The following BCOR variants were observed in gnomAD, a reference collection of about 807,000 sequenced individuals.
BCOR encodes BCL-6 corepressor.
In BCOR, 10 loss-of-function variants were observed where a neutral mutation model predicts 86.7. That is an observed-to-expected ratio of 0.12 (90% CI 0.07 to 0.20). The LOEUF is 0.20. Ranked by LOEUF, BCOR falls within the 10% of genes least tolerant of loss-of-function variation. The pLI is 1.00. For synonymous variants in BCOR, 611 were observed against 609.0 expected (o/e 1.00, Z -0.05); for missense variants, 1,259 against 1,452.1 (o/e 0.87, Z 2.16).
In BCOR at chrX:40,072,568, C is replaced by G. The variant is rs757056475; in HGVS notation, c.2778G>C (p.Val926=). ...CATCCACACTTGGTGGGGCACTGCC[C>G]ACACAAAATGGTTTGGGATCCTCTT... ...KTQEDPKPFC[V]GSAPPSVDVT... Residue 926 remains valine, a synonymous_variant, in exon 4 of 15, where the codon GTG becomes GTC. Coordinates refer to ENST00000378444, the MANE Select transcript of BCOR (RefSeq NM_001123385.2). The G allele has an allele frequency of 8.3e-7, 1 of 1,211,924 alleles. No homozygotes were observed. The highest frequency in any genetic ancestry group is 1.7e-5 in the African/African-American group (1 of 57,847).
intron 5 of BCOR, 141 bp from the exon 6 acceptor site, chrX:40,071,300 T>C: frequency 1.7e-6 from 1 of 600,457 alleles, no homozygotes; most frequent in African/African-American, 2.3e-5. Flanking sequence ...AACTCAGATA[T>C]TTTAAAGTTT....
Position 40,062,906 on chromosome X carries a change from T to C in BCOR, c.4013A>G (p.Glu1338Gly), listed in dbSNP as rs770784599. 1.2e-5 allele frequency: 15 copies of C among 1,209,361 alleles called. No homozygotes were observed. Among genetic ancestry groups the C allele is most frequent in the Middle Eastern group, 4.6e-4 (2 of 4,373 alleles). Reference protein sequence around the residue: ...QKTDVLCADEEEDCQAASLLQ... With the variant: ...QKTDVLCADEGEDCQAASLLQ... Reference sequence around the variant, plus strand: ...CAGGGAGGCAGCCTGGCAATCCTCTTCTTCGTCTGCACACAGCACATCTGT... The same window carrying C: ...CAGGGAGGCAGCCTGGCAATCCTCTCCTTCGTCTGCACACAGCACATCTGT... Residue 1338 changes from glutamate to glycine, a missense_variant, in exon 9 of 15, where the codon GAA (glutamate) becomes GGA (glycine). Glu to Gly is a moderately conservative substitution (Grantham distance 98). Around this residue, in one of 7 missense-constraint regions of BCOR, gnomAD observed 305 missense variants for 286.1 expected, o/e 1.07. Transcript: ENST00000378444.
chrX:40,063,400 C>G (rs1427205764), intron 8 of BCOR, among the ~76,000 whole-genome samples: 3 of 112,054 alleles, frequency 2.7e-5, no homozygotes, highest in African/African-American at 9.7e-5. Flanking sequence ...AGACTGGAGA[C>G]AGCCTGAGGC....
rs1447074491 is a variant in BCOR, at chrX:40,062,350, T to C, written c.4217A>G (p.Asp1406Gly). 1 of 1,206,877 alleles carries C rather than the reference T, an allele frequency of 8.3e-7. No individual in the cohort carries two copies. Among genetic ancestry groups the C allele is most frequent in the East Asian group, 3.0e-5 (1 of 33,660 alleles). ...RFRKRPEPSSDYDLSPAKQEP... is the reference protein window; with the variant it reads ...RFRKRPEPSSGYDLSPAKQEP... ...CTGCTTGGCTGGTGACAGATCATAG[T>C]CCGAACTGGGCTCCGGCCGCTTTCT... is the stretch of plus-strand genomic sequence containing the variant. The change falls in exon 10 of 15, where the codon GAC (aspartate) becomes GGC (glycine). Residue 1406 changes from aspartate to glycine, a missense_variant. By Grantham distance (94) the Asp-to-Gly change is moderately conservative. Transcript: ENST00000378444.
intron 6 of BCOR, among the ~76,000 whole-genome samples, chrX:40,068,734 T>C (rs1054206219): frequency 1.8e-5 from 2 of 113,328 alleles, no homozygotes; most frequent in Non-Finnish European, 3.7e-5. Flanking sequence ...CCTTAGGAGT[T>C]TGGGGACACT....
At chrX:40,176,030 T>C (rs921666132) in intron 1 of BCOR, among the ~76,000 whole-genome samples, 1 of 112,343 alleles carries the variant, frequency 8.9e-6, no homozygotes, top group African/African-American at 3.2e-5. Flanking sequence ...AAGACAGGCG[T>C]CTTCAAGGGT....
At chrX:40,078,824 ACCCC>A (rs1184405455) in intron 1 of BCOR, among the ~76,000 whole-genome samples, 1 of 65,608 alleles carries the variant, frequency 1.5e-5, no homozygotes, top group African/African-American at 5.9e-5. Flanking sequence ...ACCACCACCC[ACCCC>A]CCTTTACCTC....
chrX:40,073,775 C>G lies in BCOR; in HGVS notation c.1571G>C (p.Ser524Thr). ...CAATGCCTTGTTTTTCAGCGACATG[C>G]TTTTGCCATTGTTCTCTTCGTTAGG... ...PSPNEENNGK[S>T]MSLKNKALDW... The change falls in exon 4 of 15, where the codon AGC becomes ACC. Residue 524 changes from serine to threonine, a missense_variant. This residue lies in a region of BCOR where 534 missense variants were observed against 594.8 expected (regional missense o/e 0.90). Coordinates refer to ENST00000378444, the MANE Select transcript of BCOR (RefSeq NM_001123385.2). The G allele has an allele frequency of 8.2e-7, 1 of 1,212,722 alleles. No individual in the cohort carries two copies. The highest frequency in any genetic ancestry group is 1.1e-6 in the Non-Finnish European group (1 of 895,730).
intron 1 of BCOR, among the ~76,000 whole-genome samples, chrX:40,169,237 T>C (rs1410937929): frequency 3.6e-5 from 4 of 112,330 alleles, no homozygotes; most frequent in Non-Finnish European, 7.5e-5. Flanking sequence ...CTCAAGTCGG[T>C]CCTTCAACCT....
chrX:40,070,223 G>T (rs1602142505), intron 6 of BCOR, among the ~76,000 whole-genome samples: 2 of 111,890 alleles, frequency 1.8e-5, no homozygotes, highest in East Asian at 5.6e-4. Flanking sequence ...TTCGCCCAGT[G>T]AGGTTTCTCA....
In BCOR at chrX:40,063,825, G is replaced by C. The variant is rs746986224; in HGVS notation, c.3630C>G (p.His1210Gln). The C allele has an allele frequency of 1.7e-6, 2 of 1,212,068 alleles. No individual in the cohort carries two copies. Residue 1210 changes from histidine (H) to glutamine (Q), a missense_variant, in exon 8 of 15, where the codon CAC (histidine) becomes CAG (glutamine). Coordinates refer to ENST00000378444, the MANE Select transcript of BCOR (RefSeq NM_001123385.2). ...LTGLHPKKQRHLLHLRERWEQ... is the reference protein window; with the variant it reads ...LTGLHPKKQRQLLHLRERWEQ... ...CCCATCGTTCTCTAAGGTGCAGCAA[G>C]TGGCGTTGTTTTTTAGGATGGAGCC...
In BCOR at chrX:40,064,129, C is replaced by T. The variant is rs754152043; in HGVS notation, c.3503-177G>A. ...GGCTTTGGGGGAGGGGAGGTGTGGG[C>T]GGCTCCCCCCGGGGGCTCCAGGGTG... On this transcript the variant is annotated intron_variant, in intron 7 of 14. Transcript: ENST00000378444. Among the ~76,000 whole-genome samples, 20 of 108,880 alleles carry T rather than the reference C, an allele frequency of 1.8e-4. 1 individual carries two copies. The South Asian group carries it at 6.8e-3, about 37-fold the overall frequency. The allele number at this position is 108,880 out of a possible 115,157, so 94.5% of individuals were successfully genotyped here. A position where few individuals can be genotyped will look rare whatever the true frequency, so the allele number is the denominator to read the frequency against.
Position 40,076,525 on chromosome X carries a change from G to A in BCOR, c.94C>T (p.Leu32Phe). Residue 32 changes from leucine (L) to phenylalanine (F), a missense_variant, in exon 3 of 15, where the codon CTT (leucine) becomes TTT (phenylalanine). Leu to Phe is a conservative substitution (Grantham distance 22, BLOSUM62 0). This residue lies in a region of BCOR where 174 missense variants were observed against 189.3 expected (regional missense o/e 0.92). Coordinates refer to ENST00000378444, the MANE Select transcript of BCOR (RefSeq NM_001123385.2). The part of the protein sequence containing the change: ...MCGASEDRKI[L>F]VNDGDASKAR... ...TTTGAAGCGTCACCATCATTTACAA[G>A]GATTTTCCTATTTAAAAAGATACAC... is the stretch of plus-strand genomic sequence containing the variant. 6 of 1,196,515 alleles carry A rather than the reference G, an allele frequency of 5.0e-6. No individual in the cohort carries two copies. The highest frequency in any genetic ancestry group is 6.8e-6 in the Non-Finnish European group (6 of 882,447).
intron 14 of BCOR, 42 bp from the exon 15 acceptor site, chrX:40,052,442 T>G (rs1350687417): frequency 8.5e-7 from 1 of 1,169,683 alleles, no homozygotes; most frequent in South Asian, 1.8e-5. Flanking sequence ...TCCAGTAAAA[T>G]GAAAAGTGCG....
chrX:40,067,697 A>G lies in BCOR; in HGVS notation c.3239-3098T>C, dbSNP rs184904489. Among the ~76,000 whole-genome samples, 132 of 111,305 alleles carry G rather than the reference A, an allele frequency of 1.2e-3. 1 individual carries two copies. Among genetic ancestry groups the G allele is most frequent in the African/African-American group, 3.9e-3 (119 of 30,600 alleles). ...TGAGCCTCTCAAGGCAAACATCCCA[A>G]TTCCCCTCAGTGAAGGCCCCCAAAC... is the stretch of plus-strand genomic sequence containing the variant. On this transcript the variant is annotated intron_variant, in intron 6 of 14. Transcript: ENST00000378444.
intron 6 of BCOR, among the ~76,000 whole-genome samples, chrX:40,069,800 C>T (rs1464628768): frequency 1.8e-5 from 2 of 112,363 alleles, no homozygotes; most frequent in Non-Finnish European, 3.8e-5. Flanking sequence ...TCCCACTGCC[C>T]TGTAGCCACT....
chrX:40,164,467 C>A (rs774843410), intron 1 of BCOR, among the ~76,000 whole-genome samples: 1 of 112,392 alleles, frequency 8.9e-6, no homozygotes, highest in Admixed American at 9.4e-5. Context: ...AACCCAAATC[C>A]CCCACCTTTG....
chrX:40,053,752 G>T, intron 14 of BCOR, 134 bp downstream of exon 14: 1 of 710,172 alleles, frequency 1.4e-6, no homozygotes, highest in Non-Finnish European at 2.2e-6. Context: ...AATATCTACT[G>T]CATTGTGTGA....
At chrX:40,170,538 G>C (rs1280055831) in intron 1 of BCOR, among the ~76,000 whole-genome samples, 1 of 110,684 alleles carries the variant, frequency 9.0e-6, no homozygotes, top group African/African-American at 3.3e-5. Context: ...TACTAGAGAC[G>C]GGGTTTCGCC....
Sources: allele counts gnomAD v4.1 joint callset (sites outside exome capture counted in the v4.1 genomes callset), GRCh38; gene constraint gnomAD v4.1.1; regional missense constraint gnomAD v4.1.1; transcripts MANE v1.5; gene names NCBI Gene and HGNC (gene_info 2026-07-23, HGNC 2026-07-21).